Variants in TRIM5 observed in about 807,000 individuals in gnomAD.
The protein encoded by TRIM5 is tripartite motif-containing protein 5.
A neutral mutation model predicts 35.6 loss-of-function variants in TRIM5; 31 were observed. The observed-to-expected ratio is 0.87, with a 90% CI of 0.65 to 1.18. The LOEUF (loss-of-function observed/expected upper bound fraction) is 1.18, where lower values mean the gene tolerates loss of function less well. Among genes scored for constraint, TRIM5 ranks in the 50% most tolerant of loss-of-function variants. The pLI is 0.00. For synonymous variants in TRIM5, 243 were observed against 215.6 expected, an observed-to-expected ratio of 1.13 and a Z score of -1.11; for missense variants, 609 against 591.6, an observed-to-expected ratio of 1.03 and a Z score of -0.31.
At chr11:5,632,755 G>A in the TRIM5 span, 6 of 1,598,670 alleles carry the variant, frequency 3.8e-6, no homozygotes, top group Non-Finnish European at 4.3e-6. Flanking sequence ...GGAATGTCAG[G>A]TAGGGCCCTA....
At chr11:5,633,989 G>A in the TRIM5 span, 14 of 1,399,278 alleles carry the variant, frequency 1.0e-5, no homozygotes, top group Admixed American at 6.2e-5. Flanking sequence ...CCTTGACATT[G>A]CATGAGTCCT....
chr11:5,642,593 G>A, the TRIM5 span: 1 of 1,499,608 alleles, frequency 6.7e-7, no homozygotes, highest in East Asian at 2.4e-5. Flanking sequence ...TTAAAATTGA[G>A]GACAGAAGAG....
the TRIM5 span, among the ~76,000 whole-genome samples, chr11:5,622,787 G>A: frequency 6.6e-6 from 1 of 152,184 alleles, no homozygotes; most frequent in Non-Finnish European, 1.5e-5. Context: ...AAATGAAAGA[G>A]TATCTGAGAA....
Position 5,674,628 on chromosome 11 carries a change from C to G in TRIM5, c.744+3576G>C, listed in dbSNP as rs57144843. The stretch of plus-strand genomic sequence containing the variant: ...TAAGCCTCCAGGCCGTATCTCACAG[C>G]CTAGGCTCTAGATCTGTGCAGTGGA... On this transcript the variant is annotated intron_variant, in intron 4 of 7. Transcript: ENST00000380034. 3.4e-3 allele frequency among the ~76,000 whole-genome samples: 521 copies of G among 152,350 alleles called. 14 individuals are homozygous for G. The East Asian group carries it at 0.07, about 21-fold the overall frequency.
chr11:5,605,357 A>G, the TRIM5 span: 14 of 1,614,136 alleles, frequency 8.7e-6, 1 homozygote, highest in Admixed American at 1.2e-4. Context: ...AGCCTGAGAG[A>G]TGCAGGATCC....
chr11:5,590,809 G>A, the TRIM5 span: 1 of 152,466 alleles, frequency 6.6e-6, no homozygotes, highest in Non-Finnish European at 1.5e-5. Flanking sequence ...CTGCTTTTAT[G>A]AGCTGTAACA....
chr11:5,647,812 C>T, the TRIM5 span, among the ~76,000 whole-genome samples: 7 of 152,122 alleles, frequency 4.6e-5, no homozygotes, highest in East Asian at 1.9e-4. Flanking sequence ...TGAACCACCA[C>T]GCCCGGCTGA....
chr11:5,640,870 T>C, the TRIM5 span, among the ~76,000 whole-genome samples: 1 of 152,330 alleles, frequency 6.6e-6, no homozygotes, highest in East Asian at 1.9e-4. Flanking sequence ...TTAATGTGTA[T>C]TGATAGTTTC....
chr11:5,600,800 G>T, the TRIM5 span, among the ~76,000 whole-genome samples: 1 of 152,122 alleles, frequency 6.6e-6, no homozygotes, highest in Non-Finnish European at 1.5e-5. Flanking sequence ...AGAACAGCGA[G>T]GTCACGCCTG....
At chr11:5,642,498 T>C in the TRIM5 span, 1 of 1,613,522 alleles carries the variant, frequency 6.2e-7, no homozygotes, top group South Asian at 1.1e-5. Flanking sequence ...ATGCTGCAAA[T>C]GTTTAGAGGT....
At chr11:5,641,883 A>G in the TRIM5 span, among the ~76,000 whole-genome samples, 2 of 152,136 alleles carry the variant, frequency 1.3e-5, no homozygotes, top group Admixed American at 6.5e-5. Context: ...CGTGTTTCCC[A>G]GGAATCTGAA....
the TRIM5 span, among the ~76,000 whole-genome samples, chr11:5,632,066 A>C: frequency 6.6e-6 from 1 of 152,222 alleles, no homozygotes; most frequent in Non-Finnish European, 1.5e-5. Context: ...TTCTAGGCTG[A>C]GTAATGAACA....
chr11:5,617,972 TTCTG>T, the TRIM5 span, among the ~76,000 whole-genome samples: 35,507 of 151,988 alleles, frequency 0.23, 4,786 homozygotes, highest in African/African-American at 0.38. Flanking sequence ...TTTTATTCAT[TTCTG>T]TCTGTTAGAA....
the TRIM5 span, among the ~76,000 whole-genome samples, chr11:5,597,137 T>A: frequency 1.3e-5 from 2 of 152,332 alleles, no homozygotes; most frequent in South Asian, 2.1e-4. Flanking sequence ...CCAGACTGCA[T>A]GTGTTCAAAT....
chr11:5,649,185 A>G, the TRIM5 span, among the ~76,000 whole-genome samples: 1 of 152,244 alleles, frequency 6.6e-6, no homozygotes, highest in Non-Finnish European at 1.5e-5. Context: ...CAGGATGTCT[A>G]TTATGTAACA....
the TRIM5 span, among the ~76,000 whole-genome samples, chr11:5,620,466 G>T: frequency 6.6e-6 from 1 of 152,028 alleles, no homozygotes; most frequent in Admixed American, 6.6e-5. Context: ...CTCCTATAGT[G>T]CTGGGATTAC....
At chr11:5,646,029 G>A in the TRIM5 span, among the ~76,000 whole-genome samples, 82,523 of 144,514 alleles carry the variant, frequency 0.57, 23,757 homozygotes, top group African/African-American at 0.59. Flanking sequence ...CATATGTATA[G>A]TACACATAAA....
chr11:5,638,518 T>C, the TRIM5 span, among the ~76,000 whole-genome samples: 2 of 152,194 alleles, frequency 1.3e-5, no homozygotes, highest in Non-Finnish European at 2.9e-5. Flanking sequence ...CCAAATATAT[T>C]GGTACATCTT....
the TRIM5 span, chr11:5,643,849 T>C: frequency 1.7e-6 from 2 of 1,177,538 alleles, no homozygotes; most frequent in Non-Finnish European, 2.4e-6. Context: ...ATGGTGTATT[T>C]GGCTTGAGTT....
Sources: allele counts gnomAD v4.1 joint callset (sites outside exome capture counted in the v4.1 genomes callset), GRCh38; gene constraint gnomAD v4.1.1; transcripts MANE v1.5; gene names NCBI Gene and HGNC (gene_info 2026-07-23, HGNC 2026-07-21).